The following TUBGCP6 variants were observed in gnomAD, a reference collection of about 807,000 sequenced individuals.
The protein encoded by TUBGCP6 is tubulin gamma complex component 6.
A neutral mutation model predicts 175.8 loss-of-function variants in TUBGCP6; 161 were observed. That is an observed-to-expected ratio of 0.92 (90% CI 0.81 to 1.04). TUBGCP6 has a LOEUF of 1.04. TUBGCP6 is among the 50% of genes least tolerant of loss of function. The pLI is 0.00. For synonymous variants in TUBGCP6, 1,173 were observed against 1,030.5 expected, an observed-to-expected ratio of 1.14 and a Z score of -2.65; for missense variants, 2,572 against 2,433.0, an observed-to-expected ratio of 1.06 and a Z score of -1.20.
Position 50,218,280 on chromosome 22 carries a change from AGGT to A in TUBGCP6, c.5074_5076del (p.Thr1692del). 1 of 1,613,084 alleles carries A rather than the reference AGGT, an allele frequency of 6.2e-7. No homozygotes were observed. Among genetic ancestry groups the A allele is most frequent in the Non-Finnish European group, 8.5e-7 (1 of 1,179,976 alleles). On this transcript the variant is annotated inframe_deletion, in exon 23 of 25. Transcript: ENST00000248846. ...GCCAACCTGGCCCTGAACTCGCACC[AGGT>A]GACGTGCAGGATCTGGTTGGCGATG...
chr22:50,237,429 T>C (rs1406559256), intron 2 of TUBGCP6, among the ~76,000 whole-genome samples: 1 of 152,264 alleles, frequency 6.6e-6, no homozygotes, highest in Non-Finnish European at 1.5e-5. Flanking sequence ...AGCATCAGGC[T>C]GACCCGACTG....
In TUBGCP6 at chr22:50,218,272, CTCGCA is replaced by C; in HGVS notation, c.5080_5084del (p.Cys1694ValfsTer135). On this transcript the variant is annotated frameshift_variant, in exon 23 of 25. Transcript: ENST00000248846. LOFTEE classifies it high-confidence loss of function. ...CCACGGTGGCCAACCTGGCCCTGAA[CTCGCA>C]CCAGGTGACGTGCAGGATCTGGTTG... 1 of 1,613,142 alleles carries C rather than the reference CTCGCA, an allele frequency of 6.2e-7. No homozygotes were observed. The highest frequency in any genetic ancestry group is 8.5e-7 in the Non-Finnish European group (1 of 1,179,986).
At chr22:50,227,657 GT>G (rs2064632283) in intron 5 of TUBGCP6, among the ~76,000 whole-genome samples, 1 of 152,226 alleles carries the variant, frequency 6.6e-6, no homozygotes, top group Non-Finnish European at 1.5e-5. Context: ...GGGACCCTGT[GT>G]GCCAATTAGG....
At position 50,220,211 on chromosome 22, in the gene TUBGCP6, CCA is replaced by C. The variant is rs558822828; in HGVS notation, c.4108+38_4108+39del. ...GCCTACCTCCCAGGCTCTGTGCGTC[CCA>C]CAGTCCCACTCCTGACCACCAGCCA... On this transcript the variant is annotated intron_variant, in intron 16 of 24. Coordinates refer to ENST00000248846, the MANE Select transcript of TUBGCP6 (RefSeq NM_020461.4). 1.3e-4 allele frequency: 200 copies of C among 1,546,392 alleles called. 1 individual carries two copies. The African/African-American group carries it at 2.5e-3, about 19-fold the overall frequency.
chr22:50,240,281 C>T lies in TUBGCP6; in HGVS notation c.828G>A (p.Val276=), dbSNP rs1281196417. Residue 276 remains valine, a synonymous_variant, in exon 2 of 25, where the codon GTG becomes GTA. Coordinates refer to ENST00000248846, the MANE Select transcript of TUBGCP6 (RefSeq NM_020461.4). The part of the protein sequence containing the change: ...LTPDSQSEPS[V]TPDVDLWEAA... Reference sequence around the variant, plus strand: ...CTTCCCACAGGTCCACGTCTGGGGTCACGCTGGGCTCAGACTGGGAATCAG... The same window carrying T: ...CTTCCCACAGGTCCACGTCTGGGGTTACGCTGGGCTCAGACTGGGAATCAG... 1 of 1,614,062 alleles carries T rather than the reference C, an allele frequency of 6.2e-7. No individual in the cohort carries two copies. The highest frequency in any genetic ancestry group is 8.5e-7 in the Non-Finnish European group (1 of 1,180,040).
chr22:50,218,803 G>C lies in TUBGCP6; in HGVS notation c.4721C>G (p.Thr1574Ser), dbSNP rs778114333. Reference sequence around the variant, plus strand: ...GAGGGAGAGGTTGGAGGCGTGCGGGGTGTCCCCATGCAGGCTGCACTGCAG... The same window carrying C: ...GAGGGAGAGGTTGGAGGCGTGCGGGCTGTCCCCATGCAGGCTGCACTGCAG... ...KALQCSLHGD[T>S]PHASNLSLAL... is the part of the protein sequence containing the mutation. The change falls in exon 21 of 25, where the codon ACC becomes AGC. Residue 1574 changes from threonine to serine, a missense_variant. Coordinates refer to ENST00000248846, the MANE Select transcript of TUBGCP6 (RefSeq NM_020461.4). The C allele has an allele frequency of 1.2e-6, 2 of 1,614,130 alleles. No homozygotes were observed. Among genetic ancestry groups the C allele is most frequent in the South Asian group, 2.2e-5 (2 of 91,086 alleles).
chr22:50,226,968 C>A, intron 6 of TUBGCP6, 31 bp downstream of exon 6: 1 of 1,605,112 alleles, frequency 6.2e-7, no homozygotes. Flanking sequence ...GCCCACCAGG[C>A]TGACACACTC....
intron 10 of TUBGCP6, among the ~76,000 whole-genome samples, chr22:50,225,135 TCA>T (rs2064586992): frequency 7.1e-6 from 1 of 140,724 alleles, no homozygotes; most frequent in Non-Finnish European, 1.5e-5. Context: ...TGACCGGCTC[TCA>T]CAGAGACATC....
rs748539196 is a variant in TUBGCP6 at position 50,224,387 on chromosome 22, G to A, written c.2099C>T (p.Ala700Val). 5.6e-6 allele frequency: 9 copies of A among 1,614,038 alleles called. No individual in the cohort carries two copies. Among genetic ancestry groups the A allele is most frequent in the Non-Finnish European group, 7.6e-6 (9 of 1,180,038 alleles). Residue 700 changes from alanine to valine, a missense_variant, in exon 12 of 25, where the codon GCC (alanine) becomes GTC (valine). By Grantham distance (64) the Ala-to-Val change is moderately conservative. Coordinates refer to ENST00000248846, the MANE Select transcript of TUBGCP6 (RefSeq NM_020461.4). ...CCTCTGAAACTGCTCACGCTTCCGG[G>A]CATCCAAGGCCATCCGTTCTGACAT... Reference protein sequence around the residue: ...RQMSERMALDARKREQFQRLK... With the variant: ...RQMSERMALDVRKREQFQRLK...
At chr22:50,233,929 T>G (rs1157990583) in intron 2 of TUBGCP6, among the ~76,000 whole-genome samples, 1 of 151,932 alleles carries the variant, frequency 6.6e-6, no homozygotes, top group Non-Finnish European at 1.5e-5. Context: ...CACAACAGCA[T>G]CTACACCCTG....
rs758306842 is a variant in TUBGCP6 at position 50,244,587 on chromosome 22, G to A, written c.-128C>T. 2.1e-6 allele frequency: 3 copies of A among 1,401,212 alleles called. No individual in the cohort carries two copies. The highest frequency in any genetic ancestry group is 2.8e-6 in the Non-Finnish European group (3 of 1,070,180). 86.8% of individuals were successfully genotyped at this position (1,401,212 alleles called of 1,614,324 possible). A position where few individuals can be genotyped will look rare whatever the true frequency, so the allele number is the denominator to read the frequency against. ...AATGACAGGCGGCCTCTCCAATGCC[G>A]AAGCTCAGAACTGGTATTTTTTAAA... On this transcript the variant is annotated 5_prime_UTR_variant, in exon 1 of 25. Coordinates refer to ENST00000248846, the MANE Select transcript of TUBGCP6 (RefSeq NM_020461.4).
At position 50,222,588 on chromosome 22, in the gene TUBGCP6, C is replaced by T; in HGVS notation, c.2275G>A (p.Ala759Thr). ...EEELERKARQ[A>T]LVDHYSKLSA... ...AGCTTGCTGTAGTGGTCGACCAGTG[C>T]CTGCCTGAAGCCACACACCAGAGAG... Residue 759 changes from alanine to threonine, a missense_variant, in exon 14 of 25, where the codon GCA (alanine) becomes ACA (threonine). Physicochemically the swap from Ala to Thr is moderately conservative, Grantham distance 58. Coordinates refer to ENST00000248846, the MANE Select transcript of TUBGCP6 (RefSeq NM_020461.4). 6.2e-7 allele frequency: 1 copy of T among 1,611,008 alleles called. No individual in the cohort carries two copies. The highest frequency in any genetic ancestry group is 8.5e-7 in the Non-Finnish European group (1 of 1,179,986).
chr22:50,241,919 C>A (rs1439914508), intron 1 of TUBGCP6, among the ~76,000 whole-genome samples: 1 of 148,486 alleles, frequency 6.7e-6, no homozygotes, highest in Non-Finnish European at 1.5e-5. Context: ...CATCTCTGGT[C>A]TCCGCATATG....
At chr22:50,232,259 G>T (rs553335973) in intron 3 of TUBGCP6, among the ~76,000 whole-genome samples, 1 of 151,334 alleles carries the variant, frequency 6.6e-6, no homozygotes, top group East Asian at 2.0e-4. Context: ...CCAGCTACTC[G>T]GGAGGCTGAG....
At position 50,244,593 on chromosome 22, in the gene TUBGCP6, C is replaced by T. The variant is rs1341920641; in HGVS notation, c.-134G>A. On this transcript the variant is annotated 5_prime_UTR_variant, in exon 1 of 25. Coordinates refer to ENST00000248846, the MANE Select transcript of TUBGCP6 (RefSeq NM_020461.4). ...AGGCGGCCTCTCCAATGCCGAAGCT[C>T]AGAACTGGTATTTTTTAAAGGAGGT... The T allele has an allele frequency of 2.3e-5, 31 of 1,375,976 alleles. No individual in the cohort carries two copies. The highest frequency in any genetic ancestry group is 3.1e-5 in the African/African-American group (2 of 64,168). 85.2% of individuals were successfully genotyped at this position (1,375,976 alleles called of 1,614,324 possible).
chr22:50,219,637 CACTCACACATGGACTCGTA>C lies in TUBGCP6; in HGVS notation c.4303_4315+6del, dbSNP rs773897123. 2 of 1,612,418 alleles carry C rather than the reference CACTCACACATGGACTCGTA, an allele frequency of 1.2e-6. No individual in the cohort carries two copies. The highest frequency in any genetic ancestry group is 2.2e-5 in the South Asian group (2 of 91,052). On this transcript the variant is annotated splice_donor_variant and splice_donor_5th_base_variant and coding_sequence_variant and intron_variant, in exon 18 of 25. Transcript: ENST00000248846. LOFTEE classifies it high-confidence loss of function. ...GGCTCCCTGCCAACAGCAACTGCTGCACTCACACATGGACTCGTAACTGTCCGGGTACCGCTCCAAGTGG... is the reference window on the plus strand; with the variant it reads ...GGCTCCCTGCCAACAGCAACTGCTGCACTGTCCGGGTACCGCTCCAAGTGG...
Position 50,244,463 on chromosome 22 carries a change from C to T in TUBGCP6, c.-4G>A. ...ACAGCTGCGTGATGCTGGCCATGCCCCTTCTCAGCTCCGGGCCCCCGGCGT... is the reference window on the plus strand; with the variant it reads ...ACAGCTGCGTGATGCTGGCCATGCCTCTTCTCAGCTCCGGGCCCCCGGCGT... On this transcript the variant is annotated 5_prime_UTR_variant, in exon 1 of 25. Coordinates refer to ENST00000248846, the MANE Select transcript of TUBGCP6 (RefSeq NM_020461.4). The T allele has an allele frequency of 6.2e-7, 1 of 1,605,044 alleles. No individual in the cohort carries two copies. Among genetic ancestry groups the T allele is most frequent in the Non-Finnish European group, 8.5e-7 (1 of 1,175,666 alleles).
rs1486688176 is a variant in TUBGCP6 at position 50,218,098 on chromosome 22, C to T, written c.5188G>A (p.Ala1730Thr). ...AVFRGLLTEKAAPVMNVIHSI... is the reference protein window; with the variant it reads ...AVFRGLLTEKTAPVMNVIHSI... ...TGGATGACGTTCATGACGGGCGCCG[C>T]CTTCTCCGTGAGCAGGCCCCTGGGG... Residue 1730 changes from alanine (A) to threonine (T), a missense_variant, in exon 24 of 25, where the codon GCG becomes ACG. Physicochemically the swap from Ala to Thr is moderately conservative, Grantham distance 58. Coordinates refer to ENST00000248846, the MANE Select transcript of TUBGCP6 (RefSeq NM_020461.4). The T allele has an allele frequency of 6.2e-7, 1 of 1,612,696 alleles. No homozygotes were observed. The highest frequency in any genetic ancestry group is 1.3e-5 in the African/African-American group (1 of 74,902).
chr22:50,229,697 A>C, intron 3 of TUBGCP6, 120 bp from the exon 4 acceptor site: 2 of 1,014,490 alleles, frequency 2.0e-6, no homozygotes, highest in Non-Finnish European at 2.8e-6. Context: ...CAGGACCCAA[A>C]AGCAAATGCC....
Sources: allele counts gnomAD v4.1 joint callset (sites outside exome capture counted in the v4.1 genomes callset), GRCh38; gene constraint gnomAD v4.1.1; transcripts MANE v1.5; gene names NCBI Gene and HGNC (gene_info 2026-07-23, HGNC 2026-07-21).